The following SEC23B variants were observed in gnomAD, a reference collection of about 807,000 sequenced individuals.
SEC23B encodes the protein SEC23 homolog B, COPII component, also known as protein transport protein Sec23B.
A neutral mutation model predicts 104.3 loss-of-function variants in SEC23B; 77 were observed. The observed-to-expected ratio is 0.74, with a 90% CI of 0.61 to 0.89. The LOEUF is 0.89. SEC23B is among the 40% of genes least tolerant of loss of function. The pLI, the probability that SEC23B is intolerant of heterozygous loss-of-function variation, is 0.00. For missense variants in SEC23B, 885 were observed against 949.4 expected (o/e 0.93, Z 0.89); for synonymous variants, 338 against 332.5 (o/e 1.02, Z -0.18).
At chr20:18,514,215 G>A (rs2060005198) in intron 3 of SEC23B, among the ~76,000 whole-genome samples, 1 of 152,170 alleles carries the variant, frequency 6.6e-6, no homozygotes, top group South Asian at 2.1e-4. Context: ...TGAATGTAGA[G>A]CTGGAAGACG....
Position 18,522,395 on chromosome 20 carries a change from GT to G in SEC23B, c.367-2037del, listed in dbSNP as rs534851112. ...CGCGTTTTGGGTCCACGGATAAAAG[GT>G]GTCTCCTTTGTCTCTACTAGAGAGG... On this transcript the variant is annotated intron_variant, in intron 4 of 19. Transcript: ENST00000650089. 2.0e-5 allele frequency among the ~76,000 whole-genome samples: 3 copies of G among 152,360 alleles called. No individual in the cohort carries two copies. The East Asian group carries it at 5.8e-4, about 29-fold the overall frequency.
At position 18,535,530 on chromosome 20, in the gene SEC23B, A is replaced by G. The variant is rs558509249; in HGVS notation, c.1315-123A>G. 3.7e-5 allele frequency: 26 copies of G among 712,322 alleles called. No homozygotes were observed. The Middle Eastern group carries it at 9.4e-4, about 26-fold the overall frequency. The allele number at this position is 712,322 out of a possible 1,614,324, so 44.1% of individuals were successfully genotyped here. ...CAGGAGAAGGTTTTATTTCAACTTA[A>G]ATGTTCTCCTAAAAGAAGATACTCT... On this transcript the variant is annotated intron_variant, in intron 11 of 19. Transcript: ENST00000650089.
In SEC23B at chr20:18,543,062, T is replaced by C; in HGVS notation, c.1555T>C (p.Phe519Leu). 1 of 1,614,150 alleles carries C rather than the reference T, an allele frequency of 6.2e-7. No individual in the cohort carries two copies. Among genetic ancestry groups the C allele is most frequent in the Non-Finnish European group, 8.5e-7 (1 of 1,180,034 alleles). The change falls in exon 14 of 20, where the codon TTT becomes CTT. Residue 519 changes from phenylalanine (F) to leucine (L), a missense_variant. Phe to Leu is a conservative substitution (Grantham distance 22). Transcript: ENST00000650089. ...TCAGCTCAGGCACATAGAAGCAGCA[T>C]TTGACCAGGAGGCTGCGGCAGTGTT... ...QSQLRHIEAA[F>L]DQEAAAVLMA...
Position 18,517,776 on chromosome 20 carries a change from C to T in SEC23B, c.366+2040C>T, listed in dbSNP as rs552553456. On this transcript the variant is annotated intron_variant, in intron 4 of 19. Coordinates refer to ENST00000650089, the MANE Select transcript of SEC23B (RefSeq NM_006363.6). ...TGGGGTTGTTAGAAGGAGCATTTGTCGTATAGAATTATTGGTGATGGCCTG... is the reference window on the plus strand; with the variant it reads ...TGGGGTTGTTAGAAGGAGCATTTGTTGTATAGAATTATTGGTGATGGCCTG... 2.8e-4 allele frequency among the ~76,000 whole-genome samples: 43 copies of T among 152,042 alleles called. No homozygotes were observed. In the South Asian group the frequency reaches 6.4e-3, roughly 23 times the overall value.
rs1485948409 is a variant in SEC23B at position 18,525,696 on chromosome 20, T to G, written c.690-92T>G. The G allele has an allele frequency of 3.0e-5, 40 of 1,340,844 alleles. No individual in the cohort carries two copies. The East Asian group carries it at 8.8e-4, about 29-fold the overall frequency. 83.1% of individuals were successfully genotyped at this position (1,340,844 alleles called of 1,614,324 possible). ...CCAGTCAGTTACTACTCTGAATAAT[T>G]ATCTTGAAGAGCAGTAATTATGTGG... is the stretch of plus-strand genomic sequence containing the variant. On this transcript the variant is annotated intron_variant, in intron 6 of 19. Transcript: ENST00000650089.
At chr20:18,529,538 C>A (rs6081184) in intron 9 of SEC23B, among the ~76,000 whole-genome samples, 103,215 of 151,658 alleles carry the variant, frequency 0.68, 36,522 homozygotes, top group Non-Finnish European at 0.8. Context: ...GTCATCATTA[C>A]GGGCTGAGGC....
chr20:18,512,991 C>T (rs2059994348), intron 3 of SEC23B, among the ~76,000 whole-genome samples: 1 of 152,168 alleles, frequency 6.6e-6, no homozygotes, highest in African/African-American at 2.4e-5. Context: ...CAAGACCATC[C>T]TGGCCAACAT....
chr20:18,509,802 G>T (rs2059965709), intron 1 of SEC23B: 1 of 152,160 alleles, frequency 6.6e-6, no homozygotes, highest in South Asian at 2.1e-4. Context: ...TGGCCAGGCT[G>T]GTCTTGAACT....
chr20:18,544,516 G>A (rs1012581874), intron 14 of SEC23B, among the ~76,000 whole-genome samples: 1 of 152,204 alleles, frequency 6.6e-6, no homozygotes, highest in Non-Finnish European at 1.5e-5. Flanking sequence ...AGCTAGCTGG[G>A]TCTTTTAGCT....
intron 11 of SEC23B, among the ~76,000 whole-genome samples, chr20:18,533,667 C>A (rs138851390): frequency 1.3e-3 from 197 of 152,210 alleles, no homozygotes; most frequent in Non-Finnish European, 2.5e-3. Context: ...TCTTGGGTGA[C>A]CACATAAATT....
chr20:18,525,303 C>T (rs1474435230), intron 6 of SEC23B, among the ~76,000 whole-genome samples: 8 of 152,112 alleles, frequency 5.3e-5, no homozygotes, highest in Non-Finnish European at 7.4e-5. Flanking sequence ...TACTTATGAC[C>T]GGGTATTCAC....
At position 18,532,794 on chromosome 20, in the gene SEC23B, G is replaced by A. The variant is rs199753096; in HGVS notation, c.1314+50G>A. Reference sequence around the variant, plus strand: ...TCACCTCCTGCCCCGGATTTAACCCGTCAGAAGTGTCAGAGCATGATGATC... The same window carrying A: ...TCACCTCCTGCCCCGGATTTAACCCATCAGAAGTGTCAGAGCATGATGATC... On this transcript the variant is annotated intron_variant, in intron 11 of 19. Transcript: ENST00000650089. The A allele has an allele frequency of 2.1e-4, 268 of 1,289,180 alleles. 1 individual carries two copies. The highest frequency in any genetic ancestry group is 7.3e-4 in the Middle Eastern group (4 of 5,456). The allele number at this position is 1,289,180 out of a possible 1,614,324, so 79.9% of individuals were successfully genotyped here.
chr20:18,544,356 C>G (rs1243324632), intron 14 of SEC23B, among the ~76,000 whole-genome samples: 2 of 152,156 alleles, frequency 1.3e-5, no homozygotes, highest in African/African-American at 4.8e-5. Context: ...TTTAGGATTT[C>G]AGAGGGAGGA....
At chr20:18,529,218 G>T (rs1425407375) in intron 9 of SEC23B, among the ~76,000 whole-genome samples, 1 of 152,240 alleles carries the variant, frequency 6.6e-6, no homozygotes, top group Non-Finnish European at 1.5e-5. Flanking sequence ...GAAGGAATCT[G>T]ATTTGTTCTG....
At position 18,527,321 on chromosome 20, in the gene SEC23B, G is replaced by A. The variant is rs149700927; in HGVS notation, c.994-175G>A. ...AGGCAGGATGATCACTTGAACCCGG[G>A]AGGTGGAGATCGCACCACTGCACTC... On this transcript the variant is annotated intron_variant, in intron 8 of 19. Transcript: ENST00000650089. Among the ~76,000 whole-genome samples, 2,293 of 152,292 alleles carry A rather than the reference G, an allele frequency of 0.015. 21 individuals are homozygous for A. Among genetic ancestry groups the A allele is most frequent in the Non-Finnish European group, 0.025 (1,718 of 68,036 alleles).
chr20:18,544,173 A>T (rs1414282860), intron 14 of SEC23B, among the ~76,000 whole-genome samples: 2 of 152,212 alleles, frequency 1.3e-5, no homozygotes, highest in Non-Finnish European at 2.9e-5. Flanking sequence ...TTGGCACATG[A>T]TAATCTTACC....
intron 4 of SEC23B, among the ~76,000 whole-genome samples, chr20:18,523,397 CTTTTTTT>C (rs112136906): frequency 2.3e-5 from 3 of 130,562 alleles, no homozygotes; most frequent in African/African-American, 8.5e-5. Context: ...TCTTTCCTTT[CTTTTTTT>C]TTTTTTTTTC....
chr20:18,552,016 A>G (rs948384619), intron 17 of SEC23B, among the ~76,000 whole-genome samples: 3 of 152,188 alleles, frequency 2.0e-5, no homozygotes, highest in Non-Finnish European at 4.4e-5. Context: ...AGTGGGGTTC[A>G]TGCCCTGAGA....
At chr20:18,539,690 G>A (rs1700470051) in intron 12 of SEC23B, among the ~76,000 whole-genome samples, 1 of 143,624 alleles carries the variant, frequency 7.0e-6, no homozygotes, top group Admixed American at 7.1e-5. Flanking sequence ...TGTTGCTCAG[G>A]CTGGAGTGCA....
Sources: gnomAD v4.1 joint callset for allele counts (sites outside exome capture counted in the v4.1 genomes callset) on GRCh38, gnomAD v4.1.1 for gene constraint, MANE v1.5 for transcripts, NCBI Gene and HGNC (gene_info 2026-07-23, HGNC 2026-07-21) for gene names.